SYT1: variants seen among roughly 807,000 people sequenced by gnomAD.
SYT1 encodes synaptotagmin-1.
In SYT1, 8 loss-of-function variants were observed where a neutral mutation model predicts 44.8. That is an observed-to-expected ratio of 0.18 (90% confidence interval 0.10 to 0.32). The LOEUF (loss-of-function observed/expected upper bound fraction) is 0.32, where lower values mean the gene tolerates loss of function less well. SYT1 is among the 10% of genes least tolerant of loss of function. The probability of loss-of-function intolerance (pLI) is 1.00; values close to 1 mark genes in which losing one functional copy is unlikely to be tolerated. For synonymous variants in SYT1, 154 were observed against 188.8 expected, an observed-to-expected ratio of 0.82 and a Z score of 1.51; for missense variants, 286 against 509.3, an observed-to-expected ratio of 0.56 and a Z score of 4.22.
chr12:79,352,731 T>G (rs1175999455), intron 8 of SYT1, among the ~76,000 whole-genome samples: 3 of 152,190 alleles, frequency 2.0e-5, no homozygotes, highest in Admixed American at 2.0e-4. Context: ...CCATCATCAT[T>G]GTAAACACTT....
intron 3 of SYT1, among the ~76,000 whole-genome samples, chr12:79,206,902 G>A (rs907037950): frequency 2.0e-5 from 3 of 152,224 alleles, no homozygotes; most frequent in Non-Finnish European, 4.4e-5. Flanking sequence ...TAACTGCAAG[G>A]ATGACATTGG....
At chr12:79,322,776 C>A (rs140616757) in intron 8 of SYT1, among the ~76,000 whole-genome samples, 7 of 152,164 alleles carry the variant, frequency 4.6e-5, no homozygotes, top group African/African-American at 1.7e-4. Context: ...AGGGAAAAGC[C>A]TCCACTTGAG....
chr12:78,877,882 G>C lies in SYT1; in HGVS notation c.-217+12773G>C, dbSNP rs181980643. Among the ~76,000 whole-genome samples the C allele has an allele frequency of 5.7e-4, 87 of 151,828 alleles. No homozygotes were observed. In the East Asian group the frequency reaches 0.017, roughly 29 times the overall value. ...GGGTTGAAGAGATCTCCCTGATTCA[G>C]CTTCTCAAGGTACTAGGATTACAGG... On this transcript the variant is annotated intron_variant, in intron 1 of 10. Coordinates refer to ENST00000261205, the MANE Select transcript of SYT1 (RefSeq NM_005639.3).
intron 3 of SYT1, among the ~76,000 whole-genome samples, chr12:79,125,530 G>A (rs1202684598): frequency 6.6e-6 from 1 of 150,980 alleles, no homozygotes; most frequent in Non-Finnish European, 1.5e-5. Flanking sequence ...TGAGGTGGGA[G>A]GATTGCTTGA....
chr12:79,220,564 T>C (rs1875098035), intron 4 of SYT1, among the ~76,000 whole-genome samples: 1 of 152,120 alleles, frequency 6.6e-6, no homozygotes, highest in African/African-American at 2.4e-5. Flanking sequence ...TAAAATTCCC[T>C]CTTAGAACTG....
chr12:79,157,533 T>C (rs1051726440), intron 3 of SYT1, among the ~76,000 whole-genome samples: 7 of 152,318 alleles, frequency 4.6e-5, no homozygotes, highest in Admixed American at 4.6e-4. Context: ...AATAATGTAC[T>C]CATTTGACCT....
chr12:79,046,642 T>G (rs1163332473), intron 2 of SYT1, among the ~76,000 whole-genome samples: 2 of 152,092 alleles, frequency 1.3e-5, no homozygotes, highest in African/African-American at 4.8e-5. Flanking sequence ...CATTTTTCTC[T>G]TAATTCCTGA....
intron 8 of SYT1, among the ~76,000 whole-genome samples, chr12:79,334,839 T>G (rs1882016607): frequency 6.6e-6 from 1 of 152,198 alleles, no homozygotes; most frequent in African/African-American, 2.4e-5. Context: ...TCCAAAAGCC[T>G]GTCAAGAGGT....
intron 9 of SYT1, among the ~76,000 whole-genome samples, chr12:79,400,428 C>T (rs1255513168): frequency 6.6e-6 from 1 of 152,184 alleles, no homozygotes; most frequent in Non-Finnish European, 1.5e-5. Context: ...GAACTTCTGG[C>T]TTCTACAGTT....
chr12:79,273,028 G>A (rs1199921317), intron 4 of SYT1, among the ~76,000 whole-genome samples: 1 of 152,002 alleles, frequency 6.6e-6, no homozygotes, highest in African/African-American at 2.4e-5. Context: ...AGAAAAGACA[G>A]TTTTTTACCC....
chr12:79,034,653 A>C (rs1873013490), intron 2 of SYT1, among the ~76,000 whole-genome samples: 1 of 151,702 alleles, frequency 6.6e-6, no homozygotes, highest in Non-Finnish European at 1.5e-5. Context: ...CTTATTAAAT[A>C]GCAGCTGTAA....
rs1189677370 is a variant in SYT1, at chr12:79,450,279, GAAAAAC to G, written c.*1168_*1173del. 3.3e-5 allele frequency: 5 copies of G among 152,374 alleles called. No individual in the cohort carries two copies. Among genetic ancestry groups the G allele is most frequent in the Admixed American group, 6.6e-5 (1 of 15,260 alleles). 9.4% of individuals were successfully genotyped at this position (152,374 alleles called of 1,614,324 possible). A position where few individuals can be genotyped will look rare whatever the true frequency, so the allele number is the denominator to read the frequency against. On this transcript the variant is annotated 3_prime_UTR_variant, in exon 11 of 11. Transcript: ENST00000261205. ...ATTGTAATCCCATCAAAAGATGAAAGAAAAACAAAAACAAAAACCAACAACAATTAG... is the reference window on the plus strand; with the variant it reads ...ATTGTAATCCCATCAAAAGATGAAAGAAAAACAAAAACCAACAACAATTAG...
chr12:78,907,534 G>A (rs1262591276), intron 1 of SYT1, among the ~76,000 whole-genome samples: 1 of 151,932 alleles, frequency 6.6e-6, no homozygotes, highest in South Asian at 2.1e-4. Flanking sequence ...AAATGATTAC[G>A]TTTCGGTAAT....
At chr12:79,026,974 C>T (rs185744516) in intron 2 of SYT1, among the ~76,000 whole-genome samples, 154 of 151,456 alleles carry the variant, frequency 1.0e-3, no homozygotes, top group African/African-American at 3.6e-3. Context: ...ATGCTACAGC[C>T]GTTATAGAAA....
intron 4 of SYT1, among the ~76,000 whole-genome samples, chr12:79,262,747 C>A (rs1877901353): frequency 6.6e-6 from 1 of 152,298 alleles, no homozygotes; most frequent in South Asian, 2.1e-4. Context: ...CTATTTAGCA[C>A]CTTCCCTCCT....
At chr12:79,396,440 A>G (rs1322749404) in intron 9 of SYT1, among the ~76,000 whole-genome samples, 4 of 152,336 alleles carry the variant, frequency 2.6e-5, no homozygotes, top group Middle Eastern at 3.4e-3. Flanking sequence ...TTTTTAAAAT[A>G]CAGATGCCAG....
At chr12:78,912,137 G>T (rs921565094) in intron 1 of SYT1, among the ~76,000 whole-genome samples, 1 of 151,878 alleles carries the variant, frequency 6.6e-6, no homozygotes, top group Non-Finnish European at 1.5e-5. Context: ...AATGTTAGGT[G>T]TATCTGTCAT....
At chr12:79,356,780 G>A (rs1441835660) in intron 9 of SYT1, among the ~76,000 whole-genome samples, 1 of 152,160 alleles carries the variant, frequency 6.6e-6, no homozygotes, top group African/African-American at 2.4e-5. Context: ...ATAATGAGAG[G>A]ACTTTGTTGA....
chr12:79,044,176 C>A (rs1440629852), intron 2 of SYT1, among the ~76,000 whole-genome samples: 10 of 152,040 alleles, frequency 6.6e-5, no homozygotes, highest in Admixed American at 6.6e-4. Flanking sequence ...GTTGGCCTGC[C>A]TTGCTAGATT....
Sources: gnomAD v4.1 joint callset for allele counts (sites outside exome capture counted in the v4.1 genomes callset) on GRCh38, gnomAD v4.1.1 for gene constraint, MANE v1.5 for transcripts, NCBI Gene and HGNC (gene_info 2026-07-23, HGNC 2026-07-21) for gene names.